Variants in FOXP2 observed in about 807,000 individuals in gnomAD.
FOXP2 encodes the protein forkhead box protein P2.
Under a neutral mutation model 115.8 loss-of-function variants are expected in FOXP2, and 12 were observed. The ratio of observed to expected loss-of-function variants is 0.10; its 90% CI spans 0.07 to 0.17. The LOEUF is 0.17. FOXP2 is among the 10% of genes least tolerant of loss of function. The probability of loss-of-function intolerance (pLI) is 1.00; values close to 1 mark genes in which losing one functional copy is unlikely to be tolerated. For synonymous variants in FOXP2, 328 were observed against 297.7 expected (o/e 1.10, Z -1.05); for missense variants, 629 against 843.5 (o/e 0.75, Z 3.15).
At chr7:114,220,348 A>G (rs1157678720) in intron 1 of FOXP2, among the ~76,000 whole-genome samples, 1 of 152,174 alleles carries the variant, frequency 6.6e-6, no homozygotes, top group Non-Finnish European at 1.5e-5. Flanking sequence ...TACATATACA[A>G]TTACATAACA....
chr7:114,486,709 G>T (rs969145489), intron 2 of FOXP2, among the ~76,000 whole-genome samples: 1 of 152,332 alleles, frequency 6.6e-6, no homozygotes, highest in African/African-American at 2.4e-5. Context: ...CCAAATGGGA[G>T]AAATTGGCCA....
chr7:114,297,109 G>T, intron 2 of FOXP2: 1 of 462,272 alleles, frequency 2.2e-6, no homozygotes. Flanking sequence ...CAGGGCAGGG[G>T]GCTCAGTCTT....
At chr7:114,279,589 C>T (rs886767940) in intron 1 of FOXP2, among the ~76,000 whole-genome samples, 1 of 152,072 alleles carries the variant, frequency 6.6e-6, no homozygotes, top group African/African-American at 2.4e-5. Context: ...TCATTTTCAT[C>T]CATATTAATG....
chr7:114,276,724 C>CTGAA (rs1562849852), intron 1 of FOXP2, among the ~76,000 whole-genome samples: 1 of 152,120 alleles, frequency 6.6e-6, no homozygotes, highest in Non-Finnish European at 1.5e-5. Flanking sequence ...TTGTCTACCT[C>CTGAA]TTCAGTCCTG....
chr7:114,288,055 A>C, exon 2 of FOXP2: 1 of 453,442 alleles, frequency 2.2e-6, no homozygotes, highest in Non-Finnish European at 4.4e-6. Flanking sequence ...GAATTTTCCT[A>C]GGACTCCGTT....
At chr7:114,334,577 A>G (rs778448325) in intron 2 of FOXP2, among the ~76,000 whole-genome samples, 1 of 151,724 alleles carries the variant, frequency 6.6e-6, no homozygotes, top group South Asian at 2.1e-4. Context: ...TTTGTGGTAC[A>G]TAGTTCTCAA....
intron 2 of FOXP2, among the ~76,000 whole-genome samples, chr7:114,334,931 C>CTATA (rs144511332): frequency 0.015 from 1,848 of 119,262 alleles, 28 homozygotes; most frequent in African/African-American, 0.029. Flanking sequence ...ATATAGAAAT[C>CTATA]TATATATATA....
chr7:114,547,193 G>T (rs1181798616), intron 3 of FOXP2, among the ~76,000 whole-genome samples: 1 of 150,598 alleles, frequency 6.6e-6, no homozygotes, highest in Non-Finnish European at 1.5e-5. Context: ...TTCTTGGCTA[G>T]ATAGCATATA....
chr7:114,194,281 T>C (rs1337712776), intron 1 of FOXP2, among the ~76,000 whole-genome samples: 2 of 152,040 alleles, frequency 1.3e-5, no homozygotes, highest in African/African-American at 4.8e-5. Context: ...TTTACTGGCT[T>C]CTTAAATCCT....
intron 1 of FOXP2, among the ~76,000 whole-genome samples, chr7:114,228,241 G>T (rs1794790857): frequency 6.6e-6 from 1 of 151,950 alleles, no homozygotes; most frequent in African/African-American, 2.4e-5. Flanking sequence ...AGTGTTGCTG[G>T]AAAGACCTAC....
At chr7:114,390,131 A>T (rs1193326688) in intron 2 of FOXP2, among the ~76,000 whole-genome samples, 1 of 152,110 alleles carries the variant, frequency 6.6e-6, no homozygotes, top group Non-Finnish European at 1.5e-5. Context: ...CAAGATACAT[A>T]TGAAAAATTC....
intron 8 of FOXP2, among the ~76,000 whole-genome samples, chr7:114,647,385 A>G (rs1411221455): frequency 6.6e-6 from 1 of 151,204 alleles, no homozygotes; most frequent in Admixed American, 6.6e-5. Context: ...ATATTTATGT[A>G]TCGTATATAT....
intron 1 of FOXP2, among the ~76,000 whole-genome samples, chr7:114,144,301 A>G (rs1343908739): frequency 1.3e-5 from 2 of 152,160 alleles, no homozygotes; most frequent in Non-Finnish European, 2.9e-5. Flanking sequence ...TTGAAACAGT[A>G]TATTTACAAA....
At chr7:114,326,911 T>C (rs1285887990) in intron 2 of FOXP2, among the ~76,000 whole-genome samples, 1 of 152,214 alleles carries the variant, frequency 6.6e-6, no homozygotes, top group Non-Finnish European at 1.5e-5. Flanking sequence ...TTTATTAACC[T>C]GTATTGGACA....
chr7:114,551,686 A>AT (rs1001443648), intron 3 of FOXP2, among the ~76,000 whole-genome samples: 11 of 152,070 alleles, frequency 7.2e-5, no homozygotes, highest in African/African-American at 2.2e-4. Context: ...GTTACCAGAT[A>AT]TTTTTTAAAA....
At chr7:114,255,063 A>G (rs550694216) in intron 1 of FOXP2, among the ~76,000 whole-genome samples, 1 of 152,224 alleles carries the variant, frequency 6.6e-6, no homozygotes, top group East Asian at 1.9e-4. Flanking sequence ...TCCACTCCAG[A>G]CCCTGTTTGC....
At chr7:114,609,720 C>T (rs1417094203) in intron 3 of FOXP2, among the ~76,000 whole-genome samples, 4 of 152,132 alleles carry the variant, frequency 2.6e-5, no homozygotes, top group Non-Finnish European at 4.4e-5. Context: ...GCATCTTTGT[C>T]TTTTTGTCAC....
intron 2 of FOXP2, among the ~76,000 whole-genome samples, chr7:114,319,523 A>G (rs1021445865): frequency 6.6e-6 from 1 of 152,200 alleles, no homozygotes; most frequent in Admixed American, 6.5e-5. Context: ...AGCAAGTCAC[A>G]TTGTATGAGG....
Position 114,689,956 on chromosome 7 carries a change from G to T in FOXP2, c.*30G>T. ...TGACTTGTGAAACCTCAGCGTGAAG[G>T]GACATATCACTGACCTTCATAACCA... On this transcript the variant is annotated 3_prime_UTR_variant, in exon 17 of 17. Coordinates refer to ENST00000350908, the MANE Select transcript of FOXP2 (RefSeq NM_014491.4). The T allele has an allele frequency of 2.5e-6, 4 of 1,611,084 alleles. No individual in the cohort carries two copies. The highest frequency in any genetic ancestry group is 3.4e-6 in the Non-Finnish European group (4 of 1,178,652).
Sources: allele counts gnomAD v4.1 joint callset (sites outside exome capture counted in the v4.1 genomes callset), GRCh38; gene constraint gnomAD v4.1.1; transcripts MANE v1.5; gene names NCBI Gene and HGNC (gene_info 2026-07-23, HGNC 2026-07-21).